The following GAS2 variants were observed in gnomAD, a reference collection of about 807,000 sequenced individuals.
GAS2 encodes growth arrest specific 2, also known as growth arrest-specific protein 2.
A neutral mutation model predicts 37.5 loss-of-function variants in GAS2; 20 were observed. The observed-to-expected ratio is 0.53, with a 90% CI of 0.37 to 0.77. The LOEUF is 0.77. Ranked by LOEUF, GAS2 falls within the 30% of genes least tolerant of loss-of-function variation. The probability of loss-of-function intolerance (pLI) is 0.00; values close to 1 mark genes in which losing one functional copy is unlikely to be tolerated. For missense variants in GAS2, 336 were observed against 373.4 expected, an observed-to-expected ratio of 0.90 and a Z score of 0.82; for synonymous variants, 144 against 132.2, an observed-to-expected ratio of 1.09 and a Z score of -0.61.
At chr11:22,795,105 G>A (rs1856363163) in intron 7 of GAS2, among the ~76,000 whole-genome samples, 1 of 152,144 alleles carries the variant, frequency 6.6e-6, no homozygotes, top group African/African-American at 2.4e-5. Context: ...TGTGTAGTGT[G>A]TAGCCTAGCC....
intron 1 of GAS2, among the ~76,000 whole-genome samples, chr11:22,669,278 A>G (rs1014019661): frequency 1.3e-5 from 2 of 151,974 alleles, no homozygotes; most frequent in African/African-American, 2.4e-5. Flanking sequence ...TTAGACTGTC[A>G]TTAGACTGTC....
intron 3 of GAS2, among the ~76,000 whole-genome samples, chr11:22,717,593 AAG>A (rs1851743569): frequency 1.3e-5 from 2 of 152,170 alleles, no homozygotes; most frequent in Admixed American, 1.3e-4. Flanking sequence ...CCAAGAACCC[AAG>A]AGCAAATGCA....
intron 7 of GAS2, among the ~76,000 whole-genome samples, chr11:22,783,411 T>C (rs776790769): frequency 6.6e-6 from 1 of 152,248 alleles, no homozygotes; most frequent in Non-Finnish European, 1.5e-5. Flanking sequence ...ACTTCCTTGA[T>C]AGTTTCTCTT....
chr11:22,695,896 C>G (rs946485407), intron 3 of GAS2, among the ~76,000 whole-genome samples: 1 of 151,852 alleles, frequency 6.6e-6, no homozygotes, highest in Non-Finnish European at 1.5e-5. Flanking sequence ...GATTCCAATA[C>G]GTTTCTATTC....
At chr11:22,678,320 G>A (rs1225458760) in intron 2 of GAS2, among the ~76,000 whole-genome samples, 1 of 152,024 alleles carries the variant, frequency 6.6e-6, no homozygotes, top group East Asian at 1.9e-4. Context: ...GATACATTTA[G>A]TATTCACATA....
rs2134331811 is a variant in GAS2, at chr11:22,755,933, G to C, written c.703G>C (p.Glu235Gln). 6.2e-7 allele frequency: 1 copy of C among 1,611,212 alleles called. No individual in the cohort carries two copies. The highest frequency in any genetic ancestry group is 1.3e-5 in the African/African-American group (1 of 74,930). ...CTCCCAAGGAAGATACCGAGTGGGA[G>C]AAAAGATCCTCTTCATTAGGGTAAA... ...RLSQGRYRVG[E>Q]KILFIRMLHN... The change falls in exon 7 of 8, where the codon GAA becomes CAA. Residue 235 changes from glutamate to glutamine, a missense_variant. By Grantham distance (29) the Glu-to-Gln change is conservative. Coordinates refer to ENST00000454584, the MANE Select transcript of GAS2 (RefSeq NM_001143830.3).
chr11:22,688,660 G>A (rs1483040767), intron 3 of GAS2, among the ~76,000 whole-genome samples: 1 of 152,012 alleles, frequency 6.6e-6, no homozygotes, highest in East Asian at 1.9e-4. Context: ...TAGTAAAACT[G>A]CAGCAAGTTA....
chr11:22,727,622 T>C (rs568513978), intron 4 of GAS2, among the ~76,000 whole-genome samples: 63 of 151,620 alleles, frequency 4.2e-4, no homozygotes, highest in African/African-American at 1.2e-3. Context: ...TAGACCTGAA[T>C]AAAAAAAAGG....
chr11:22,712,305 C>A (rs1157086432), intron 3 of GAS2, among the ~76,000 whole-genome samples: 2 of 152,192 alleles, frequency 1.3e-5, no homozygotes, highest in African/African-American at 4.8e-5. Context: ...ACTTTACTCC[C>A]CTGCCATCTC....
upstream of GAS2, among the ~76,000 whole-genome samples, chr11:22,665,222 A>C (rs1180922345): frequency 6.6e-6 from 1 of 152,192 alleles, no homozygotes; most frequent in Non-Finnish European, 1.5e-5. Context: ...AGGATGTAAG[A>C]TTTTGAAAGT....
chr11:22,703,339 T>G (rs2134036529), intron 3 of GAS2, among the ~76,000 whole-genome samples: 1 of 152,294 alleles, frequency 6.6e-6, no homozygotes, highest in Non-Finnish European at 1.5e-5. Context: ...CTAATTGCGG[T>G]CAATGCTTTC....
At chr11:22,802,587 G>A (rs1156463345) in intron 7 of GAS2, among the ~76,000 whole-genome samples, 2 of 151,900 alleles carry the variant, frequency 1.3e-5, no homozygotes, top group Non-Finnish European at 2.9e-5. Flanking sequence ...GCACAGTAAG[G>A]AATGAAGCCA....
At chr11:22,664,002 T>C (rs998848143), upstream of GAS2, among the ~76,000 whole-genome samples, 2 of 152,174 alleles carry the variant, frequency 1.3e-5, no homozygotes, top group Non-Finnish European at 2.9e-5. Flanking sequence ...AATATATGTC[T>C]TCATGTATTT....
intron 7 of GAS2, among the ~76,000 whole-genome samples, chr11:22,786,647 T>A (rs1180580329): frequency 1.3e-5 from 2 of 152,160 alleles, no homozygotes; most frequent in Admixed American, 6.6e-5. Flanking sequence ...CTTCTATGAA[T>A]GTTGGCCTTG....
intron 3 of GAS2, among the ~76,000 whole-genome samples, chr11:22,707,407 C>T (rs1851180889): frequency 6.6e-6 from 1 of 152,120 alleles, no homozygotes; most frequent in African/African-American, 2.4e-5. Context: ...TTTCTTTGAC[C>T]TAGTCCTTAA....
rs1850736587 is a variant in GAS2, at chr11:22,699,793, G to A, written c.267+14004G>A. Among the ~76,000 whole-genome samples the A allele has an allele frequency of 2.6e-5, 4 of 152,118 alleles. No homozygotes were observed. In the South Asian group the frequency reaches 8.3e-4, roughly 32 times the overall value. On this transcript the variant is annotated intron_variant, in intron 3 of 7. Transcript: ENST00000454584. Reference sequence around the variant, plus strand: ...GCACTGAGTGGTACCTAGTACATATGGGTGCTCATTAACATTTAGCTGTTA... The same window carrying A: ...GCACTGAGTGGTACCTAGTACATATAGGTGCTCATTAACATTTAGCTGTTA...
chr11:22,672,344 T>A (rs934828791), intron 1 of GAS2, among the ~76,000 whole-genome samples: 2 of 152,116 alleles, frequency 1.3e-5, no homozygotes, highest in African/African-American at 4.8e-5. Flanking sequence ...ACAGAGTACA[T>A]GAGAAATAAA....
In GAS2 at chr11:22,630,096, G is replaced by T. The variant is rs1049438235; in HGVS notation, c.-21+4283G>T. Among the ~76,000 whole-genome samples the T allele has an allele frequency of 2.0e-5, 3 of 151,870 alleles. No individual in the cohort carries two copies. In the East Asian group the frequency reaches 5.8e-4, roughly 29 times the overall value. On this transcript the variant is annotated intron_variant, in intron 1 of 5. Transcript: ENST00000528582. ...AAGCTCTAGGGTACATGTGCACAAT[G>T]TGCAGGTTTGTTACATATGTATACA...
At chr11:22,776,896 T>C (rs1241762784) in intron 7 of GAS2, among the ~76,000 whole-genome samples, 1 of 152,160 alleles carries the variant, frequency 6.6e-6, no homozygotes, top group African/African-American at 2.4e-5. Context: ...GACAGTGTTA[T>C]ATGTTAGTTT....
Sources: allele counts gnomAD v4.1 joint callset (sites outside exome capture counted in the v4.1 genomes callset), GRCh38; gene constraint gnomAD v4.1.1; transcripts MANE v1.5; gene names NCBI Gene and HGNC (gene_info 2026-07-23, HGNC 2026-07-21).